The following SH3RF3 variants were observed in gnomAD, a reference collection of about 807,000 sequenced individuals.
The protein encoded by SH3RF3 is SH3 domain containing ring finger 3.
SH3RF3 carries 29 observed loss-of-function variants against 66.3 expected under a neutral mutation model. The observed-to-expected ratio is 0.44, with a 90% CI of 0.33 to 0.60. The LOEUF (loss-of-function observed/expected upper bound fraction) is 0.60. Among genes scored for constraint, SH3RF3 ranks in the 20% least tolerant of loss-of-function variants. The pLI is 0.04. For missense variants in SH3RF3, 1,194 were observed against 1,190.9 expected, an observed-to-expected ratio of 1.00 and a Z score of -0.04; for synonymous variants, 583 against 532.0, an observed-to-expected ratio of 1.10 and a Z score of -1.32.
At chr2:109,131,962 C>T (rs1360196498) in intron 1 of SH3RF3, among the ~76,000 whole-genome samples, 1 of 152,202 alleles carries the variant, frequency 6.6e-6, no homozygotes, top group Non-Finnish European at 1.5e-5. Flanking sequence ...TTAGGTCCAG[C>T]ACATGCTTCG....
At chr2:109,467,719 G>A (rs10164762) in intron 8 of SH3RF3, among the ~76,000 whole-genome samples, 13,255 of 152,322 alleles carry the variant, frequency 0.087, 1,751 homozygotes, top group African/African-American at 0.29. Flanking sequence ...TCTATTTGAG[G>A]ATGAGCGTTT....
rs1379351227 is a variant in SH3RF3, at chr2:109,129,236, AC to A, written c.-300del. The A allele has an allele frequency of 1.4e-5, 8 of 561,248 alleles. No homozygotes were observed. The highest frequency in any genetic ancestry group is 3.7e-4 in the Middle Eastern group (1 of 2,736). 34.8% of individuals were successfully genotyped at this position (561,248 alleles called of 1,614,324 possible). On this transcript the variant is annotated 5_prime_UTR_variant, in exon 1 of 10. Coordinates refer to ENST00000309415, the MANE Select transcript of SH3RF3 (RefSeq NM_001099289.3). ...CCCGTTGAGCTTCGTGCCCGGCAGC[AC>A]CCCCGGTCCCCCGCGCGGGGCGGAC... is the stretch of plus-strand genomic sequence containing the variant.
Position 109,405,819 on chromosome 2 carries a change from G to T in SH3RF3, c.1299+6876G>T, listed in dbSNP as rs186725642. Among the ~76,000 whole-genome samples, 710 of 152,342 alleles carry T rather than the reference G, an allele frequency of 4.7e-3. 5 individuals are homozygous for T. Among genetic ancestry groups the T allele is most frequent in the South Asian group, 0.015 (72 of 4,832 alleles). On this transcript the variant is annotated intron_variant, in intron 4 of 9. Transcript: ENST00000309415. ...ATGGCCATCCCCCCTTCCTCCCTGG[G>T]CTTTTAGGTCCTTGAAGGCAGGGCT...
rs1675842233 is a variant in SH3RF3, at chr2:109,387,107, T to G, written c.946-11483T>G. ...TGTAGAGAAAGAACGAGGTGAAACG[T>G]TGTTAGCATATTGTTCTGTTTCTTT... On this transcript the variant is annotated intron_variant, in intron 3 of 9. Transcript: ENST00000309415. 3.3e-5 allele frequency among the ~76,000 whole-genome samples: 5 copies of G among 152,306 alleles called. No individual in the cohort carries two copies. The South Asian group carries it at 1.0e-3, about 32-fold the overall frequency.
chr2:109,289,284 T>C (rs1681109465), intron 1 of SH3RF3, among the ~76,000 whole-genome samples: 1 of 152,164 alleles, frequency 6.6e-6, no homozygotes, highest in Non-Finnish European at 1.5e-5. Context: ...GGGTGAGCCT[T>C]CTTGTTATTT....
At chr2:109,151,857 A>G (rs1375779497) in intron 1 of SH3RF3, among the ~76,000 whole-genome samples, 1 of 152,250 alleles carries the variant, frequency 6.6e-6, no homozygotes, top group Non-Finnish European at 1.5e-5. Context: ...ATTTCCTATG[A>G]TTTCCGAATT....
chr2:109,192,443 A>G (rs1028032191), intron 1 of SH3RF3, among the ~76,000 whole-genome samples: 1 of 152,246 alleles, frequency 6.6e-6, no homozygotes, highest in Non-Finnish European at 1.5e-5. Flanking sequence ...TTAAGAGGAA[A>G]TGCACTTTTA....
intron 1 of SH3RF3, among the ~76,000 whole-genome samples, chr2:109,170,244 T>A (rs6704977): frequency 3.0e-5 from 1 of 32,966 alleles, no homozygotes; most frequent in Non-Finnish European, 6.4e-5. Context: ...CTTCTTTTCT[T>A]TTCTCTTCTC....
chr2:109,195,886 C>T (rs753061942), intron 1 of SH3RF3, among the ~76,000 whole-genome samples: 4 of 152,178 alleles, frequency 2.6e-5, no homozygotes, highest in Non-Finnish European at 5.9e-5. Context: ...CTCGAATTTC[C>T]CTTCCACCTC....
chr2:109,405,370 C>T (rs1414120513), intron 4 of SH3RF3, among the ~76,000 whole-genome samples: 1 of 152,164 alleles, frequency 6.6e-6, no homozygotes, highest in East Asian at 1.9e-4. Flanking sequence ...ACACTGACTC[C>T]CTGCCCCTGA....
intron 1 of SH3RF3, among the ~76,000 whole-genome samples, chr2:109,181,331 G>A (rs1678069382): frequency 6.6e-6 from 1 of 152,174 alleles, no homozygotes; most frequent in African/African-American, 2.4e-5. Flanking sequence ...CAATTAACAT[G>A]GGTACATTAC....
intron 4 of SH3RF3, among the ~76,000 whole-genome samples, chr2:109,399,647 A>T (rs573225694): frequency 1.2e-4 from 19 of 152,334 alleles, no homozygotes; most frequent in South Asian, 6.2e-4. Flanking sequence ...TAAAATGATT[A>T]AAAAAATTTT....
At chr2:109,422,764 CT>C (rs761010750) in intron 5 of SH3RF3, among the ~76,000 whole-genome samples, 11 of 152,148 alleles carry the variant, frequency 7.2e-5, no homozygotes, top group Non-Finnish European at 1.0e-4. Context: ...TAGGTTGCCC[CT>C]GATTTTGAAG....
At chr2:109,493,103 C>T (rs981583288) in intron 9 of SH3RF3, among the ~76,000 whole-genome samples, 1 of 140,192 alleles carries the variant, frequency 7.1e-6, no homozygotes, top group Non-Finnish European at 1.6e-5. Context: ...CATACACATA[C>T]ACCACAGATA....
intron 3 of SH3RF3, among the ~76,000 whole-genome samples, chr2:109,378,780 T>C (rs1474925430): frequency 3.3e-5 from 5 of 152,330 alleles, no homozygotes; most frequent in Non-Finnish European, 4.4e-5. Context: ...ACTCTGGAAG[T>C]TGGAAATGAA....
intron 3 of SH3RF3, among the ~76,000 whole-genome samples, chr2:109,384,825 C>T (rs1337366431): frequency 6.6e-6 from 1 of 152,188 alleles, no homozygotes; most frequent in African/African-American, 2.4e-5. Flanking sequence ...CAGAAGGCCT[C>T]AGGGTAACTC....
At chr2:109,471,234 A>C (rs1313085676) in intron 8 of SH3RF3, among the ~76,000 whole-genome samples, 1 of 151,064 alleles carries the variant, frequency 6.6e-6, no homozygotes, top group Non-Finnish European at 1.5e-5. Flanking sequence ...AAAAAAAAGA[A>C]ATTAATACCT....
At chr2:109,242,257 T>G (rs1679801986) in intron 1 of SH3RF3, among the ~76,000 whole-genome samples, 2 of 152,168 alleles carry the variant, frequency 1.3e-5, no homozygotes, top group Non-Finnish European at 2.9e-5. Context: ...TTTGTAGTCC[T>G]GAGGCATGGG....
At chr2:109,209,804 C>T (rs1678925931) in intron 1 of SH3RF3, among the ~76,000 whole-genome samples, 1 of 152,138 alleles carries the variant, frequency 6.6e-6, no homozygotes, top group Non-Finnish European at 1.5e-5. Context: ...AAATTGGACA[C>T]TCCAGTATTC....
Sources: allele counts gnomAD v4.1 joint callset (sites outside exome capture counted in the v4.1 genomes callset), GRCh38; gene constraint gnomAD v4.1.1; transcripts MANE v1.5; gene names NCBI Gene and HGNC (gene_info 2026-07-23, HGNC 2026-07-21).